PLCB4: variants seen among roughly 807,000 people sequenced by gnomAD.
PLCB4 encodes the protein phospholipase C beta 4.
A neutral mutation model predicts 178.8 loss-of-function variants in PLCB4; 77 were observed. The observed-to-expected ratio is 0.43, with a 90% CI of 0.36 to 0.52. The LOEUF (loss-of-function observed/expected upper bound fraction) is 0.52. Among genes scored for constraint, PLCB4 ranks in the 20% least tolerant of loss-of-function variants. The probability of loss-of-function intolerance (pLI) is 0.00; values close to 1 mark genes in which losing one functional copy is unlikely to be tolerated. For synonymous variants in PLCB4, 496 were observed against 490.8 expected (o/e 1.01, Z -0.14); for missense variants, 1,024 against 1,453.4 (o/e 0.70, Z 4.80).
At chr20:9,121,362 T>C (rs1226962812) in intron 2 of PLCB4, among the ~76,000 whole-genome samples, 1 of 152,206 alleles carries the variant, frequency 6.6e-6, no homozygotes, top group Non-Finnish European at 1.5e-5. Flanking sequence ...TCCACAGGGC[T>C]CTGAACGCCG....
chr20:9,157,186 T>A (rs1452268029), intron 2 of PLCB4, among the ~76,000 whole-genome samples: 1 of 150,718 alleles, frequency 6.6e-6, no homozygotes, highest in Non-Finnish European at 1.5e-5. Context: ...ATGGAGGAAT[T>A]CCCCTGGAAG....
At chr20:9,400,306 T>C (rs1330929932) in intron 19 of PLCB4, among the ~76,000 whole-genome samples, 3 of 152,194 alleles carry the variant, frequency 2.0e-5, no homozygotes, top group Non-Finnish European at 2.9e-5. Context: ...TGTTTTATTA[T>C]GACTAAGAAA....
chr20:9,157,299 G>A (rs545655912), intron 2 of PLCB4, among the ~76,000 whole-genome samples: 1 of 152,040 alleles, frequency 6.6e-6, no homozygotes, highest in South Asian at 2.1e-4. Context: ...TCATTGCATG[G>A]AAAGTGGCTA....
At chr20:9,349,267 C>T (rs1010316740) in intron 7 of PLCB4, among the ~76,000 whole-genome samples, 4 of 152,138 alleles carry the variant, frequency 2.6e-5, no homozygotes, top group Admixed American at 2.6e-4. Flanking sequence ...TCAAAGGAAA[C>T]TGCATGCCCA....
At chr20:9,460,835 G>A (rs991560929) in intron 35 of PLCB4, among the ~76,000 whole-genome samples, 4 of 152,192 alleles carry the variant, frequency 2.6e-5, no homozygotes, top group African/African-American at 4.8e-5. Context: ...CAAGAACAAA[G>A]TGTTTTTGCC....
chr20:9,378,372 A>G (rs2036853808), intron 12 of PLCB4, among the ~76,000 whole-genome samples: 1 of 152,228 alleles, frequency 6.6e-6, no homozygotes, highest in East Asian at 1.9e-4. Flanking sequence ...TTCTACCATG[A>G]TATTATTTAT....
intron 2 of PLCB4, among the ~76,000 whole-genome samples, chr20:9,154,897 C>CTCCTT (rs2092757239): frequency 1.1e-5 from 1 of 94,600 alleles, no homozygotes; most frequent in African/African-American, 4.0e-5. Flanking sequence ...CCCTCCTTCC[C>CTCCTT]TCCTTCCCTC....
chr20:9,402,904 G>A (rs2039142977), intron 20 of PLCB4, among the ~76,000 whole-genome samples: 1 of 152,156 alleles, frequency 6.6e-6, no homozygotes, highest in South Asian at 2.1e-4. Flanking sequence ...GTATTCAAGG[G>A]GAGGTGTTCA....
At chr20:9,456,199 C>A (rs985700592) in intron 33 of PLCB4, among the ~76,000 whole-genome samples, 7 of 152,136 alleles carry the variant, frequency 4.6e-5, no homozygotes, top group Non-Finnish European at 4.4e-5. Flanking sequence ...CTGTGACAGT[C>A]CTTGGAGCTT....
rs374475537 is a variant in PLCB4 at position 9,253,832 on chromosome 20, G to A, written c.-16+36380G>A. 3.9e-5 allele frequency among the ~76,000 whole-genome samples: 6 copies of A among 152,138 alleles called. No homozygotes were observed. In the East Asian group the frequency reaches 7.7e-4, roughly 20 times the overall value. On this transcript the variant is annotated intron_variant, in intron 3 of 39. Transcript: ENST00000378473. ...TCAAAACATAGGCTTGCAAATTTAC[G>A]TGCCTCTATTGCCAGCTGGATCTGC...
rs1285669943 is a variant in PLCB4, at chr20:9,199,658, C to T, written c.-78-17732C>T. Among the ~76,000 whole-genome samples the T allele has an allele frequency of 2.0e-5, 3 of 152,152 alleles. No individual in the cohort carries two copies. The East Asian group carries it at 5.8e-4, about 29-fold the overall frequency. On this transcript the variant is annotated intron_variant, in intron 2 of 39. Coordinates refer to ENST00000378473, the MANE Select transcript of PLCB4 (RefSeq NM_001377142.1). Reference sequence around the variant, plus strand: ...AAAATCATTATTCTTAGTCTTGAAACACTAGGTTATATTCATAACAAATGG... The same window carrying T: ...AAAATCATTATTCTTAGTCTTGAAATACTAGGTTATATTCATAACAAATGG...
At chr20:9,124,022 T>G (rs981075481) in intron 2 of PLCB4, among the ~76,000 whole-genome samples, 2 of 152,106 alleles carry the variant, frequency 1.3e-5, no homozygotes, top group African/African-American at 4.8e-5. Context: ...TATGCTGAAT[T>G]TTGAATTTCA....
intron 27 of PLCB4, among the ~76,000 whole-genome samples, chr20:9,422,688 A>G (rs2040726570): frequency 6.6e-6 from 1 of 152,176 alleles, no homozygotes; most frequent in African/African-American, 2.4e-5. Context: ...TCAGAAGTTA[A>G]ATCGTTTTTT....
At chr20:9,374,030 A>G (rs1357257315) in intron 12 of PLCB4, among the ~76,000 whole-genome samples, 2 of 152,248 alleles carry the variant, frequency 1.3e-5, no homozygotes, top group African/African-American at 4.8e-5. Flanking sequence ...AGATGGTATC[A>G]TGCCAGATAA....
intron 2 of PLCB4, among the ~76,000 whole-genome samples, chr20:9,184,033 T>TC (rs2093290447): frequency 6.6e-6 from 1 of 152,190 alleles, no homozygotes. Flanking sequence ...TACATTTTTT[T>TC]CCTGCAAAAA....
intron 8 of PLCB4, among the ~76,000 whole-genome samples, chr20:9,363,380 G>A (rs986047478): frequency 5.9e-5 from 9 of 152,124 alleles, no homozygotes; most frequent in African/African-American, 9.7e-5. Flanking sequence ...ACCAAGAGAC[G>A]CACTTGCCAA....
chr20:9,160,905 G>A (rs1396962956), intron 2 of PLCB4, among the ~76,000 whole-genome samples: 2 of 152,244 alleles, frequency 1.3e-5, no homozygotes, highest in Admixed American at 6.5e-5. Flanking sequence ...TTTTATTAGT[G>A]GCAGGTCTTC....
intron 17 of PLCB4, 70 bp from the exon 18 acceptor site, chr20:9,393,518 C>T: frequency 7.6e-6 from 8 of 1,054,348 alleles, no homozygotes; most frequent in Non-Finnish European, 1.2e-5. Context: ...TCCCAGGCTC[C>T]TCCTGGACTG....
At chr20:9,453,311 G>C (rs374059016) in intron 32 of PLCB4, 36 bp from the exon 33 acceptor site, 1 of 1,204,588 alleles carries the variant, frequency 8.3e-7, no homozygotes, top group Non-Finnish European at 1.2e-6. Context: ...GCCATGCTAA[G>C]AGTCCAATTC....
Sources: gnomAD v4.1 joint callset for allele counts (sites outside exome capture counted in the v4.1 genomes callset) on GRCh38, gnomAD v4.1.1 for gene constraint, MANE v1.5 for transcripts, NCBI Gene and HGNC (gene_info 2026-07-23, HGNC 2026-07-21) for gene names.